GDAP1: variants seen among roughly 807,000 people sequenced by gnomAD.
GDAP1 encodes the protein ganglioside-induced differentiation-associated protein 1.
A neutral mutation model predicts 40.1 loss-of-function variants in GDAP1; 34 were observed. The ratio of observed to expected loss-of-function variants is 0.85; its 90% CI spans 0.64 to 1.13. The LOEUF (loss-of-function observed/expected upper bound fraction) is 1.13, where lower values mean the gene tolerates loss of function less well. Among genes scored for constraint, GDAP1 ranks in the 50% most tolerant of loss-of-function variants. The pLI is 0.00. For synonymous variants in GDAP1, 170 were observed against 157.4 expected, an observed-to-expected ratio of 1.08 and a Z score of -0.60; for missense variants, 374 against 433.7, an observed-to-expected ratio of 0.86 and a Z score of 1.22.
At chr8:74,416,930 T>TC (rs1177927258) in intron 2 of GDAP1, among the ~76,000 whole-genome samples, 2 of 34,368 alleles carry the variant, frequency 5.8e-5, no homozygotes, top group African/African-American at 2.4e-4. Context: ...TTGTTTTTTG[T>TC]TTTTTTTTTT....
At chr8:74,400,367 T>C (rs1810303987) in intron 2 of GDAP1, among the ~76,000 whole-genome samples, 1 of 149,930 alleles carries the variant, frequency 6.7e-6, no homozygotes, top group Admixed American at 6.6e-5. Flanking sequence ...AGACTAGGAT[T>C]GCAACCCCTG....
At chr8:74,363,922 A>C in intron 5 of GDAP1, 63 bp from the exon 6 acceptor site, 3 of 1,400,334 alleles carry the variant, frequency 2.1e-6, no homozygotes, top group Non-Finnish European at 3.0e-6. Flanking sequence ...GACCACTGAT[A>C]CCAGCTGGAG....
At chr8:74,473,903 A>G (rs4735775) in intron 2 of GDAP1, among the ~76,000 whole-genome samples, 130,537 of 152,198 alleles carry the variant, frequency 0.86, 56,251 homozygotes, top group African/African-American at 0.95. Context: ...GGGCAGCATA[A>G]CCATTTTAAT....
At chr8:74,468,920 T>C (rs1297290577) in intron 2 of GDAP1, among the ~76,000 whole-genome samples, 2 of 152,180 alleles carry the variant, frequency 1.3e-5, no homozygotes, top group African/African-American at 4.8e-5. Context: ...ATGCTGACTT[T>C]GGGCAAAGAA....
chr8:74,358,666 C>T (rs10093042), intron 2 of GDAP1, among the ~76,000 whole-genome samples: 48,013 of 151,986 alleles, frequency 0.32, 8,562 homozygotes, highest in Middle Eastern at 0.44. Flanking sequence ...AAGTAATTAA[C>T]GTCTTAGTAT....
chr8:74,423,350 A>C (rs1437896354), intron 2 of GDAP1, among the ~76,000 whole-genome samples: 3 of 147,270 alleles, frequency 2.0e-5, no homozygotes, highest in Non-Finnish European at 4.5e-5. Flanking sequence ...AATAAATTAT[A>C]AATTAAATAA....
chr8:74,366,631 T>G lies in GDAP1; in HGVS notation c.*2264T>G. Reference sequence around the variant, plus strand: ...ACAATTAGAAAAATGCCTGAGGTACTAAAGTTATGTTGGCTTTTTGTGTCT... The same window carrying G: ...ACAATTAGAAAAATGCCTGAGGTACGAAAGTTATGTTGGCTTTTTGTGTCT... On this transcript the variant is annotated 3_prime_UTR_variant, in exon 6 of 6. Coordinates refer to ENST00000220822, the MANE Select transcript of GDAP1 (RefSeq NM_018972.4). 2.2e-6 allele frequency: 1 copy of G among 453,910 alleles called. No individual in the cohort carries two copies. The highest frequency in any genetic ancestry group is 6.9e-5 in the East Asian group (1 of 14,394). The allele number at this position is 453,910 out of a possible 1,614,324, so 28.1% of individuals were successfully genotyped here. A position where few individuals can be genotyped will look rare whatever the true frequency, so the allele number is the denominator to read the frequency against.
At chr8:74,411,526 TA>T (rs1314401616) in intron 2 of GDAP1, among the ~76,000 whole-genome samples, 4 of 58,866 alleles carry the variant, frequency 6.8e-5, no homozygotes, top group South Asian at 1.3e-3. Context: ...ATTAAGCAAA[TA>T]TATATATATA....
intron 2 of GDAP1, among the ~76,000 whole-genome samples, chr8:74,440,650 GT>G (rs1197095122): frequency 1.3e-5 from 2 of 149,522 alleles, no homozygotes; most frequent in Non-Finnish European, 3.0e-5. Context: ...GTAAAACTAT[GT>G]TTGTTACATT....
At chr8:74,351,598 C>A in intron 2 of GDAP1, 132 bp downstream of exon 2, 1 of 795,602 alleles carries the variant, frequency 1.3e-6, no homozygotes, top group Non-Finnish European at 2.2e-6. Flanking sequence ...AAAACCTTTT[C>A]CATTTCCATA....
In GDAP1 at chr8:74,372,760, C is replaced by A. The variant is rs150683883; in HGVS notation, c.165+21439C>A. On this transcript the variant is annotated intron_variant, in intron 2 of 2. Transcript: ENST00000523640. Reference sequence around the variant, plus strand: ...TAGTTTCTTTTGCTGTGCAGAAGCTCTTTAGCTTAATTAGATTCCATTTGT... The same window carrying A: ...TAGTTTCTTTTGCTGTGCAGAAGCTATTTAGCTTAATTAGATTCCATTTGT... Among the ~76,000 whole-genome samples the A allele has an allele frequency of 2.0e-5, 3 of 152,154 alleles. No individual in the cohort carries two copies. In the South Asian group the frequency reaches 6.2e-4, roughly 32 times the overall value.
chr8:74,398,915 G>C (rs1253253885), intron 2 of GDAP1, among the ~76,000 whole-genome samples: 1 of 152,086 alleles, frequency 6.6e-6, no homozygotes, highest in African/African-American at 2.4e-5. Flanking sequence ...GATCATGGTG[G>C]ATAAGCTTTT....
Position 74,414,653 on chromosome 8 carries a change from G to GA in GDAP1, c.165+63343dup, listed in dbSNP as rs375973864. On this transcript the variant is annotated intron_variant, in intron 2 of 2. Coordinates refer to the GDAP1 transcript ENST00000523640. ...TTAAAAGAAGAAGGAAAATTAAAAA[G>GA]AAAAAAAAAAAGAACAGAGCCTCAG... Among the ~76,000 whole-genome samples, 146 of 132,292 alleles carry GA rather than the reference G, an allele frequency of 1.1e-3. 1 individual carries two copies. Among genetic ancestry groups the GA allele is most frequent in the East Asian group, 1.7e-3 (8 of 4,726 alleles). 86.8% of individuals were successfully genotyped at this position (132,292 alleles called of 152,430 possible). A position where few individuals can be genotyped will look rare whatever the true frequency, so the allele number is the denominator to read the frequency against.
intron 2 of GDAP1, among the ~76,000 whole-genome samples, chr8:74,456,970 T>G (rs1211448122): frequency 1.3e-5 from 2 of 152,092 alleles, no homozygotes; most frequent in Non-Finnish European, 2.9e-5. Flanking sequence ...TCCAGGAGAT[T>G]TAATAACTTT....
At chr8:74,425,239 G>A (rs777130870) in intron 2 of GDAP1, among the ~76,000 whole-genome samples, 2 of 152,170 alleles carry the variant, frequency 1.3e-5, no homozygotes, top group Non-Finnish European at 2.9e-5. Context: ...GCCTCTGAAT[G>A]GTGCTGTTGA....
intron 2 of GDAP1, among the ~76,000 whole-genome samples, chr8:74,473,698 G>T (rs1193225430): frequency 6.6e-6 from 1 of 152,130 alleles, no homozygotes; most frequent in Non-Finnish European, 1.5e-5. Flanking sequence ...TGCTGTCTTG[G>T]TTACTGTAGT....
At position 74,473,308 on chromosome 8, in the gene GDAP1, C is replaced by G. The variant is rs1038642849; in HGVS notation, c.166-15370C>G. ...GAAGCTCTTTAGTTTAATTAGATAC[C>G]ATTTGTCAATTTTTGCTTTTGTTGC... On this transcript the variant is annotated intron_variant, in intron 2 of 2. Transcript: ENST00000523640. Among the ~76,000 whole-genome samples, 5 of 152,058 alleles carry G rather than the reference C, an allele frequency of 3.3e-5. No homozygotes were observed. In the South Asian group the frequency reaches 8.3e-4, roughly 25 times the overall value.
At chr8:74,388,312 G>T (rs189846858) in intron 2 of GDAP1, among the ~76,000 whole-genome samples, 2 of 152,094 alleles carry the variant, frequency 1.3e-5, no homozygotes, top group Admixed American at 6.5e-5. Context: ...TAATGTGGGC[G>T]TTTAGTGCTA....
At chr8:74,382,934 A>G (rs1809976100) in intron 2 of GDAP1, among the ~76,000 whole-genome samples, 2 of 152,196 alleles carry the variant, frequency 1.3e-5, no homozygotes, top group African/African-American at 2.4e-5. Flanking sequence ...TTAAATTAAA[A>G]TTTTAGAATT....
Sources: allele counts gnomAD v4.1 joint callset (sites outside exome capture counted in the v4.1 genomes callset), GRCh38; gene constraint gnomAD v4.1.1; transcripts MANE v1.5; gene names NCBI Gene and HGNC (gene_info 2026-07-23, HGNC 2026-07-21).